The following SLCO3A1 variants were observed in gnomAD, a reference collection of about 807,000 sequenced individuals.
SLCO3A1 encodes PGE1 transporter.
Under a neutral mutation model 63.1 loss-of-function variants are expected in SLCO3A1, and 27 were observed. The ratio of observed to expected loss-of-function variants is 0.43; its 90% confidence interval spans 0.32 to 0.59. SLCO3A1 has a LOEUF of 0.59. SLCO3A1 is among the 20% of genes least tolerant of loss of function. The pLI is 0.09. For missense variants in SLCO3A1, 773 were observed against 945.8 expected, an observed-to-expected ratio of 0.82 and a Z score of 2.40; for synonymous variants, 473 against 409.9, an observed-to-expected ratio of 1.15 and a Z score of -1.86.
intron 1 of SLCO3A1, among the ~76,000 whole-genome samples, chr15:91,892,355 G>A (rs1488077523): frequency 6.6e-6 from 1 of 152,146 alleles, no homozygotes; most frequent in Non-Finnish European, 1.5e-5. Flanking sequence ...AACAAACAGA[G>A]CTGGCTGCAG....
rs548405631 is a variant in SLCO3A1 at position 92,163,746 on chromosome 15, C to G, written c.*611C>G. The G allele has an allele frequency of 1.3e-5, 13 of 985,264 alleles. No individual in the cohort carries two copies. In the South Asian group the frequency reaches 5.6e-4, roughly 43 times the overall value. The allele number at this position is 985,264 out of a possible 1,614,324, so 61.0% of individuals were successfully genotyped here. On this transcript the variant is annotated 3_prime_UTR_variant, in exon 10 of 10. Transcript: ENST00000318445. ...CGACTCACCCAGTCTGCATGTGGTT[C>G]AAGGCCCCAGAGTTCTCTCAGTGAT... is the stretch of plus-strand genomic sequence containing the variant.
At chr15:91,855,536 A>G (rs890218550) in intron 1 of SLCO3A1, among the ~76,000 whole-genome samples, 17 of 152,330 alleles carry the variant, frequency 1.1e-4, no homozygotes, top group Middle Eastern at 3.4e-3. Flanking sequence ...AGTCAAAAGC[A>G]TACCTTGTTT....
Position 91,916,321 on chromosome 15 carries a change from G to T in SLCO3A1, c.509G>T (p.Arg170Leu), listed in dbSNP as rs201204621. ...GACCCCGACCTCATCTGCCGCAACCGGACGGCTACCAACATGATGTACTTG... is the reference window on the plus strand; with the variant it reads ...GACCCCGACCTCATCTGCCGCAACCTGACGGCTACCAACATGATGTACTTG... Reference protein sequence around the residue: ...GPDPDLICRNRTATNMMYLLL... With the variant: ...GPDPDLICRNLTATNMMYLLL... Residue 170 changes from arginine (R) to leucine (L), a missense_variant, in exon 2 of 10, where the codon CGG (arginine) becomes CTG (leucine). Physicochemically the swap from Arg to Leu is moderately radical, Grantham distance 102 (BLOSUM62 -2). Transcript: ENST00000318445. The surrounding 1 kb of genome is among the most constrained non-coding windows in gnomAD (Gnocchi z 6.2). The T allele has an allele frequency of 1.3e-4, 203 of 1,593,606 alleles. No individual in the cohort carries two copies.
chr15:92,046,280 C>T (rs555931675), intron 2 of SLCO3A1, among the ~76,000 whole-genome samples: 37 of 151,938 alleles, frequency 2.4e-4, no homozygotes, highest in South Asian at 6.3e-4. Flanking sequence ...TTTGGGAGGC[C>T]GAGACGGATG....
rs561453237 is a variant in SLCO3A1, at chr15:91,860,482, A to G, written c.180+6394A>G. 1.3e-5 allele frequency among the ~76,000 whole-genome samples: 2 copies of G among 152,348 alleles called. No individual in the cohort carries two copies. The highest frequency in any genetic ancestry group is 4.1e-4 in the South Asian group (2 of 4,832). Reference sequence around the variant, plus strand: ...CCACAGTTGCTTTAACAGTAATGGTATAACCCTGCTCGTTGACATTAGCAC... The same window carrying G: ...CCACAGTTGCTTTAACAGTAATGGTGTAACCCTGCTCGTTGACATTAGCAC... On this transcript the variant is annotated intron_variant, in intron 1 of 9. Coordinates refer to ENST00000318445, the MANE Select transcript of SLCO3A1 (RefSeq NM_013272.4). This position sits in a 1 kb window ranked among gnomAD's most constrained non-coding sequence, Gnocchi z 5.5.
chr15:92,151,467 T>C (rs2048304707), intron 9 of SLCO3A1, among the ~76,000 whole-genome samples: 1 of 152,208 alleles, frequency 6.6e-6, no homozygotes, highest in Non-Finnish European at 1.5e-5. Context: ...TACCTTGAAT[T>C]TCTGGGATGG....
intron 2 of SLCO3A1, among the ~76,000 whole-genome samples, chr15:91,961,041 T>A (rs2151421193): frequency 6.6e-6 from 1 of 152,336 alleles, no homozygotes; most frequent in East Asian, 1.9e-4. Context: ...CTCAGGACGT[T>A]ACTCTCTCCC....
intron 1 of SLCO3A1, among the ~76,000 whole-genome samples, chr15:91,901,838 A>T (rs1375598692): frequency 1.3e-5 from 2 of 151,740 alleles, no homozygotes; most frequent in Admixed American, 6.6e-5. Flanking sequence ...GGGTTCTTTG[A>T]GCTTGTTGGA....
chr15:92,062,894 C>A (rs2047103988), intron 2 of SLCO3A1, among the ~76,000 whole-genome samples: 1 of 152,192 alleles, frequency 6.6e-6, no homozygotes, highest in Non-Finnish European at 1.5e-5. Context: ...CTGCCCGCCT[C>A]CTGCAGGTCC....
intron 2 of SLCO3A1, among the ~76,000 whole-genome samples, chr15:92,047,514 A>T (rs1173634147): frequency 8.8e-4 from 17 of 19,258 alleles, no homozygotes; most frequent in East Asian, 3.4e-3. Context: ...AATATATATA[A>T]ATACATAAAT....
chr15:91,965,547 C>T (rs1177358486), intron 2 of SLCO3A1, among the ~76,000 whole-genome samples: 1 of 152,198 alleles, frequency 6.6e-6, no homozygotes, highest in African/African-American at 2.4e-5. Context: ...CCTAACTTCC[C>T]TTCCCTTTTG....
intron 2 of SLCO3A1, among the ~76,000 whole-genome samples, chr15:92,090,080 G>A (rs1017873843): frequency 6.6e-6 from 1 of 152,184 alleles, no homozygotes; most frequent in African/African-American, 2.4e-5. Context: ...AATGGGATGT[G>A]TGTCCCTGTT....
At chr15:92,046,048 T>C (rs1245027774) in intron 2 of SLCO3A1, among the ~76,000 whole-genome samples, 1 of 152,162 alleles carries the variant, frequency 6.6e-6, no homozygotes, top group Admixed American at 6.5e-5. Flanking sequence ...CCAACTGGGT[T>C]ATAAGATCCT....
chr15:92,001,129 A>G (rs963266060), intron 2 of SLCO3A1, among the ~76,000 whole-genome samples: 2 of 151,706 alleles, frequency 1.3e-5, no homozygotes, highest in Non-Finnish European at 2.9e-5. Flanking sequence ...AAAAAAGAAA[A>G]AAAGAAAAAT....
At chr15:92,047,504 AAT>A (rs1166469540) in intron 2 of SLCO3A1, among the ~76,000 whole-genome samples, 320 of 30,570 alleles carry the variant, frequency 0.01, 76 homozygotes, top group African/African-American at 0.029. Flanking sequence ...AATATATATA[AAT>A]ATATATAAAT....
chr15:91,939,795 A>T (rs557590499), intron 2 of SLCO3A1, among the ~76,000 whole-genome samples: 16 of 152,226 alleles, frequency 1.1e-4, no homozygotes, highest in African/African-American at 3.6e-4. Context: ...TAAAGACATC[A>T]GCAGCCCCCG....
intron 1 of SLCO3A1, 102 bp from the exon 2 acceptor site, chr15:91,915,891 G>A: frequency 2.0e-6 from 2 of 980,678 alleles, no homozygotes; most frequent in Non-Finnish European, 3.1e-6. Context: ...CCAGGTGGGA[G>A]GGTCCCGGGG....
chr15:91,903,875 G>A (rs909711262), intron 1 of SLCO3A1, among the ~76,000 whole-genome samples: 3 of 152,222 alleles, frequency 2.0e-5, no homozygotes, highest in African/African-American at 7.2e-5. Flanking sequence ...GACAAGAAAG[G>A]TGATTGTTGA....
At chr15:91,995,747 A>AAC (rs1483281133) in intron 2 of SLCO3A1, among the ~76,000 whole-genome samples, 1 of 151,924 alleles carries the variant, frequency 6.6e-6, no homozygotes, top group Non-Finnish European at 1.5e-5. Flanking sequence ...AAAAAAAAAA[A>AAC]AAAAACTTGT....
Sources: gnomAD v4.1 joint callset for allele counts (sites outside exome capture counted in the v4.1 genomes callset) on GRCh38, gnomAD v4.1.1 for gene constraint, Gnocchi (gnomAD v3.1) non-coding constraint, MANE v1.5 for transcripts, NCBI Gene and HGNC (gene_info 2026-07-23, HGNC 2026-07-21) for gene names.